Variants in ADGRF5 observed in about 807,000 individuals in gnomAD.
ADGRF5 encodes the protein G-protein coupled receptor 116.
A neutral mutation model predicts 132.3 loss-of-function variants in ADGRF5; 75 were observed. The ratio of observed to expected loss-of-function variants is 0.57; its 90% confidence interval spans 0.47 to 0.69. The LOEUF is 0.69. Among genes scored for constraint, ADGRF5 ranks in the 30% least tolerant of loss-of-function variants. The probability of loss-of-function intolerance (pLI) is 0.00; values close to 1 mark genes in which losing one functional copy is unlikely to be tolerated. For missense variants in ADGRF5, 1,516 were observed against 1,630.6 expected, an observed-to-expected ratio of 0.93 and a Z score of 1.21; for synonymous variants, 629 against 597.6, an observed-to-expected ratio of 1.05 and a Z score of -0.77.
intron 1 of ADGRF5, among the ~76,000 whole-genome samples, chr6:46,943,389 G>A (rs1778172529): frequency 6.6e-6 from 1 of 152,116 alleles, no homozygotes; most frequent in South Asian, 2.1e-4. Flanking sequence ...TTCATTCACT[G>A]GACAAATGTT....
At chr6:46,953,775 T>C (rs1057070690) in intron 1 of ADGRF5, among the ~76,000 whole-genome samples, 5 of 148,618 alleles carry the variant, frequency 3.4e-5, no homozygotes, top group South Asian at 2.1e-4. Flanking sequence ...GGAGACTGTA[T>C]TGAGGTAAAA....
At chr6:46,868,707 A>G (rs1411768842) in intron 12 of ADGRF5, among the ~76,000 whole-genome samples, 176 bp downstream of exon 12, 2 of 152,230 alleles carry the variant, frequency 1.3e-5, no homozygotes, top group Non-Finnish European at 2.9e-5. Flanking sequence ...TTATCTGTAA[A>G]TATGGAAATA....
intron 1 of ADGRF5, among the ~76,000 whole-genome samples, chr6:46,947,303 T>G (rs1468787429): frequency 6.6e-6 from 1 of 152,188 alleles, no homozygotes; most frequent in East Asian, 1.9e-4. Flanking sequence ...GAATACATAT[T>G]ACGATAAAGA....
chr6:46,867,054 G>C lies in ADGRF5; in HGVS notation c.1705C>G (p.Leu569Val), dbSNP rs1265566031. The change falls in exon 13 of 21, where the codon CTG becomes GTG. Residue 569 changes from leucine (L) to valine (V), a missense_variant. By Grantham distance (32) the Leu-to-Val change is conservative (BLOSUM62 1). Coordinates refer to ENST00000283296, the MANE Select transcript of ADGRF5 (RefSeq NM_001098518.2). ...TCCAAAGGATCAACCATGATGTTCA[G>C]CTTTAGAGGCAGCGGGTGAACAATG... ...DVIVHPLPLKLNIMVDPLEAT... is the reference protein window; with the variant it reads ...DVIVHPLPLKVNIMVDPLEAT... 6.2e-7 allele frequency: 1 copy of C among 1,613,376 alleles called. No individual in the cohort carries two copies. The highest frequency in any genetic ancestry group is 1.1e-5 in the South Asian group (1 of 91,074).
rs753733854 is a variant in ADGRF5, at chr6:46,869,124, A to G, written c.1412-32T>C. The G allele has an allele frequency of 1.3e-5, 20 of 1,598,822 alleles. No individual in the cohort carries two copies. In the Admixed American group the frequency reaches 3.4e-4, roughly 27 times the overall value. On this transcript the variant is annotated intron_variant, in intron 11 of 20. Transcript: ENST00000283296. ...AAAAGGCAAACAAAACAGACAAAAG[A>G]AAACTGACAAGTTCAATGTGTAGTA...
intron 8 of ADGRF5, among the ~76,000 whole-genome samples, chr6:46,881,165 C>T (rs1772419567): frequency 6.6e-6 from 1 of 152,196 alleles, no homozygotes; most frequent in African/African-American, 2.4e-5. Flanking sequence ...TTTAAACCTC[C>T]ACTGTGATAT....
At chr6:46,895,982 T>G (rs1774142191) in intron 3 of ADGRF5, among the ~76,000 whole-genome samples, 1 of 152,078 alleles carries the variant, frequency 6.6e-6, no homozygotes, top group African/African-American at 2.4e-5. Context: ...CTGTCCTTCA[T>G]CCCCAAGTCA....
In ADGRF5 at chr6:46,860,676, G is replaced by A. The variant is rs374419633; in HGVS notation, c.2379+39C>T. 3.0e-5 allele frequency: 45 copies of A among 1,503,024 alleles called. No homozygotes were observed. In the African/African-American group the frequency reaches 5.0e-4, roughly 17 times the overall value. 93.1% of individuals were successfully genotyped at this position (1,503,024 alleles called of 1,614,324 possible). On this transcript the variant is annotated intron_variant, in intron 16 of 20. Coordinates refer to ENST00000283296, the MANE Select transcript of ADGRF5 (RefSeq NM_001098518.2). Reference sequence around the variant, plus strand: ...AATACAAATTCTGAGGGGTGAAAAGGTAAGACCCAAAACTCCTGCAAAGGT... The same window carrying A: ...AATACAAATTCTGAGGGGTGAAAAGATAAGACCCAAAACTCCTGCAAAGGT...
chr6:46,949,364 G>A lies in ADGRF5; in HGVS notation c.-25+5370C>T, dbSNP rs187926191. On this transcript the variant is annotated intron_variant, in intron 1 of 20. Coordinates refer to the ADGRF5 transcript ENST00000265417. ...TAAAGTATTAACAGAAAGCTCTGGG[G>A]CTGCCTGGAGTGGTTGCTGATGTGT... 1.8e-3 allele frequency among the ~76,000 whole-genome samples: 281 copies of A among 152,278 alleles called. 1 individual carries two copies. Among genetic ancestry groups the A allele is most frequent in the Admixed American group, 5.6e-3 (85 of 15,294 alleles).
At chr6:46,902,909 C>T (rs1474657023) in intron 2 of ADGRF5, among the ~76,000 whole-genome samples, 2 of 152,198 alleles carry the variant, frequency 1.3e-5, no homozygotes, top group Non-Finnish European at 2.9e-5. Context: ...GTCACCGGAC[C>T]TGATTTGAAT....
intron 1 of ADGRF5, among the ~76,000 whole-genome samples, chr6:46,947,842 C>T (rs994412329): frequency 1.3e-5 from 2 of 152,214 alleles, no homozygotes; most frequent in African/African-American, 4.8e-5. Context: ...GGGACCTGGA[C>T]ATCCACCTGC....
At chr6:46,925,218 C>T (rs1043537116), upstream of ADGRF5, among the ~76,000 whole-genome samples, 1 of 152,202 alleles carries the variant, frequency 6.6e-6, no homozygotes, top group Admixed American at 6.5e-5. Context: ...GGTCTTCACA[C>T]TTGCTGTTCT....
Position 46,893,727 on chromosome 6 carries a change from A to G in ADGRF5, c.158-5222T>C, listed in dbSNP as rs554079232. 2.9e-3 allele frequency among the ~76,000 whole-genome samples: 441 copies of G among 152,170 alleles called. 2 individuals are homozygous for G. Among genetic ancestry groups the G allele is most frequent in the African/African-American group, 1.0e-2 (414 of 41,488 alleles). On this transcript the variant is annotated intron_variant, in intron 3 of 20. Coordinates refer to ENST00000283296, the MANE Select transcript of ADGRF5 (RefSeq NM_001098518.2). ...GTTTTCTTTGCCCCTGGCATTGTTT[A>G]TCTAGATTTTTCTGGCTCGCTGATG... is the stretch of plus-strand genomic sequence containing the variant.
chr6:46,941,336 AAGAC>A (rs1222357153), intron 1 of ADGRF5, among the ~76,000 whole-genome samples: 2 of 151,756 alleles, frequency 1.3e-5, no homozygotes, highest in Non-Finnish European at 1.5e-5. Context: ...TCAAGAAAGA[AAGAC>A]AGAGAGAGAG....
intron 15 of ADGRF5, 57 bp downstream of exon 15, chr6:46,862,831 T>G (rs1250186888): frequency 8.8e-7 from 1 of 1,130,114 alleles, no homozygotes; most frequent in East Asian, 2.5e-5. Context: ...CTGAGAAATA[T>G]GATCAGCCAG....
intron 1 of ADGRF5, among the ~76,000 whole-genome samples, chr6:46,913,246 C>A (rs189609408): frequency 1.8e-4 from 28 of 152,110 alleles, no homozygotes; most frequent in African/African-American, 6.8e-4. Context: ...GCCTTTAATC[C>A]CAGCACTTTG....
intron 1 of ADGRF5, among the ~76,000 whole-genome samples, chr6:46,912,777 C>A (rs1385246571): frequency 1.3e-5 from 2 of 152,000 alleles, no homozygotes; most frequent in Non-Finnish European, 2.9e-5. Flanking sequence ...CTTCATGGTC[C>A]AGAACACATA....
At chr6:46,946,000 A>G (rs566583448) in intron 1 of ADGRF5, among the ~76,000 whole-genome samples, 21 of 152,296 alleles carry the variant, frequency 1.4e-4, no homozygotes, top group Middle Eastern at 3.4e-3. Context: ...CCTGGTCCCA[A>G]CCTTGACATG....
chr6:46,918,939 G>GGA (rs1271030539), intron 1 of ADGRF5, among the ~76,000 whole-genome samples: 6 of 152,112 alleles, frequency 3.9e-5, no homozygotes, highest in Non-Finnish European at 8.8e-5. Context: ...GAATCACTTT[G>GGA]GAGATTAAAA....
Sources: allele counts gnomAD v4.1 joint callset (sites outside exome capture counted in the v4.1 genomes callset), GRCh38; gene constraint gnomAD v4.1.1; transcripts MANE v1.5; gene names NCBI Gene and HGNC (gene_info 2026-07-23, HGNC 2026-07-21).